Variants in SEMA4D observed in about 807,000 individuals in gnomAD.
SEMA4D encodes the protein semaphorin 4D.
Under a neutral mutation model 74.8 loss-of-function variants are expected in SEMA4D, and 22 were observed. The observed-to-expected ratio is 0.29, with a 90% CI of 0.21 to 0.42. The LOEUF (loss-of-function observed/expected upper bound fraction) is 0.42. SEMA4D is among the 10% of genes least tolerant of loss of function. The pLI, the probability that SEMA4D is intolerant of heterozygous loss-of-function variation, is 1.00. For synonymous variants in SEMA4D, 445 were observed against 463.7 expected (o/e 0.96, Z 0.52); for missense variants, 937 against 1,118.4 (o/e 0.84, Z 2.31).
chr9:89,439,884 C>A (rs1294021416), intron 2 of SEMA4D, among the ~76,000 whole-genome samples: 6 of 152,208 alleles, frequency 3.9e-5, no homozygotes, highest in African/African-American at 1.4e-4. Flanking sequence ...TCAAGCTCAC[C>A]GCATCTTAGT....
At position 89,379,056 on chromosome 9, in the gene SEMA4D, A is replaced by G; in HGVS notation, c.2237T>C (p.Leu746Pro). Reference sequence around the variant, plus strand: ...GTTGTAGAAAAAGAGGCAGAGGAAGAGAACAAAGAAGAAGAGGAAGAGGGA... The same window carrying G: ...GTTGTAGAAAAAGAGGCAGAGGAAGGGAACAAAGAAGAAGAGGAAGAGGGA... The part of the protein sequence containing the change: ...LMSLFLFFFV[L>P]FLCLFFYNCY... Residue 746 changes from leucine (L) to proline (P), a missense_variant, in exon 16 of 16, where the codon CTC becomes CCC. Leu to Pro is a moderately conservative substitution (Grantham distance 98, BLOSUM62 -3). Coordinates refer to ENST00000422704, the MANE Select transcript of SEMA4D (RefSeq NM_001371194.2). 1 of 1,613,098 alleles carries G rather than the reference A, an allele frequency of 6.2e-7. No individual in the cohort carries two copies. Among genetic ancestry groups the G allele is most frequent in the East Asian group, 2.2e-5 (1 of 44,870 alleles).
chr9:89,438,673 C>CT lies in SEMA4D; in HGVS notation c.-244+17214dup, dbSNP rs112699856. On this transcript the variant is annotated intron_variant, in intron 2 of 15. Transcript: ENST00000422704. Reference sequence around the variant, plus strand: ...AAATACAATGTATGTTTTTTCTTTTCTTTTTTTTTTAAGACGGAGTCTCGC... The same window carrying CT: ...AAATACAATGTATGTTTTTTCTTTTCTTTTTTTTTTTAAGACGGAGTCTCGC... 3.0e-3 allele frequency among the ~76,000 whole-genome samples: 441 copies of CT among 149,306 alleles called. 2 individuals are homozygous for CT. Among genetic ancestry groups the CT allele is most frequent in the Middle Eastern group, 0.01 (3 of 290 alleles).
chr9:89,455,941 G>T lies in SEMA4D; in HGVS notation c.-297C>A, dbSNP rs1443491598. 2 of 152,238 alleles carry T rather than the reference G, an allele frequency of 1.3e-5. No individual in the cohort carries two copies. The highest frequency in any genetic ancestry group is 4.8e-5 in the African/African-American group (2 of 41,458). 9.4% of individuals were successfully genotyped at this position (152,238 alleles called of 1,614,324 possible). A position where few individuals can be genotyped will look rare whatever the true frequency, so the allele number is the denominator to read the frequency against. ...GCACATGGTTTCTTTCCACTATCTG[G>T]TGTTAGCAGAGTCTGAAACAGAGTT... On this transcript the variant is annotated 5_prime_UTR_variant, in exon 2 of 16. Coordinates refer to ENST00000422704, the MANE Select transcript of SEMA4D (RefSeq NM_001371194.2).
chr9:89,439,868 C>T (rs897174743), intron 2 of SEMA4D, among the ~76,000 whole-genome samples: 2 of 152,220 alleles, frequency 1.3e-5, no homozygotes, highest in Admixed American at 1.3e-4. Context: ...ACCGGCCGAC[C>T]CACGATCAAG....
chr9:89,495,389 C>G (rs1825929666), intron 1 of SEMA4D, among the ~76,000 whole-genome samples: 1 of 152,182 alleles, frequency 6.6e-6, no homozygotes, highest in Non-Finnish European at 1.5e-5. Context: ...CACACCCTCT[C>G]CACCTGACTG....
chr9:89,431,097 A>G (rs1371374802), intron 2 of SEMA4D, among the ~76,000 whole-genome samples: 2 of 152,258 alleles, frequency 1.3e-5, no homozygotes, highest in Admixed American at 1.3e-4. Flanking sequence ...TGACAAATAC[A>G]GATAAACATT....
chr9:89,463,701 T>C (rs1052630535), intron 1 of SEMA4D, among the ~76,000 whole-genome samples: 2 of 152,178 alleles, frequency 1.3e-5, no homozygotes, highest in Admixed American at 1.3e-4. Context: ...TTTGGGAGGC[T>C]GAGGCGGGCA....
At chr9:89,493,733 A>C (rs1825801238) in intron 1 of SEMA4D, among the ~76,000 whole-genome samples, 1 of 152,256 alleles carries the variant, frequency 6.6e-6, no homozygotes, top group South Asian at 2.1e-4. Flanking sequence ...TCTATGCAGC[A>C]CGCATCACTT....
downstream of SEMA4D, among the ~76,000 whole-genome samples, chr9:89,374,774 C>T (rs529640295): frequency 9.2e-5 from 14 of 152,308 alleles, no homozygotes; most frequent in Admixed American, 7.2e-4. Context: ...TAACAGCAGC[C>T]GGGCATGGTG....
intron 2 of SEMA4D, among the ~76,000 whole-genome samples, chr9:89,441,695 T>C (rs920201388): frequency 6.6e-6 from 1 of 152,220 alleles, no homozygotes; most frequent in African/African-American, 2.4e-5. Context: ...GCTTTGTCCC[T>C]GGGTGTCCTC....
chr9:89,389,538 AG>A (rs1839347277), intron 9 of SEMA4D, among the ~76,000 whole-genome samples: 1 of 152,206 alleles, frequency 6.6e-6, no homozygotes, highest in Admixed American at 6.5e-5. Context: ...CTCCCTTTAA[AG>A]GAATAGATCC....
chr9:89,381,655 G>A lies in SEMA4D; in HGVS notation c.1447-309C>T. On this transcript the variant is annotated intron_variant, in intron 13 of 15. Transcript: ENST00000422704. The surrounding 1 kb of genome is among the most constrained non-coding windows in gnomAD (Gnocchi z 4.6). ...ACGTGTTTCTCTTAGCCAGTGGGGA[G>A]GCTGTTCAGTCCCCACCTCCAGATC... is the stretch of plus-strand genomic sequence containing the variant. 3.9e-6 allele frequency: 1 copy of A among 256,278 alleles called. No individual in the cohort carries two copies. Among genetic ancestry groups the A allele is most frequent in the Non-Finnish European group, 7.5e-6 (1 of 133,756 alleles). The allele number at this position is 256,278 out of a possible 1,614,324, so 15.9% of individuals were successfully genotyped here. A position where few individuals can be genotyped will look rare whatever the true frequency, so the allele number is the denominator to read the frequency against.
At chr9:89,472,477 T>C (rs199510837) in intron 1 of SEMA4D, 1 of 219,220 alleles carries the variant, frequency 4.6e-6, no homozygotes, top group South Asian at 5.9e-5. Flanking sequence ...AGCACCCCCC[T>C]TTTGTAAGAT....
intron 2 of SEMA4D, among the ~76,000 whole-genome samples, chr9:89,430,761 G>A (rs1363632230): frequency 6.6e-6 from 1 of 152,254 alleles, no homozygotes; most frequent in Admixed American, 6.5e-5. Context: ...CAGATCACCT[G>A]AGGTCAGGAG....
At chr9:89,371,813 T>G (rs887780745) in intron 16 of SEMA4D, among the ~76,000 whole-genome samples, 25 of 18,702 alleles carry the variant, frequency 1.3e-3, no homozygotes, top group Admixed American at 2.3e-3. Flanking sequence ...GTGTGGGGGG[T>G]GTGTGTGTCT....
chr9:89,463,191 C>T (rs1325163318), intron 1 of SEMA4D, among the ~76,000 whole-genome samples: 1 of 151,978 alleles, frequency 6.6e-6, no homozygotes, highest in Non-Finnish European at 1.5e-5. Flanking sequence ...ATGGTAGACT[C>T]ATGCCCAGTT....
intron 2 of SEMA4D, chr9:89,405,987 C>T: frequency 5.6e-6 from 6 of 1,069,676 alleles, no homozygotes; most frequent in Non-Finnish European, 6.8e-6. Flanking sequence ...GGCAGACACA[C>T]ATGGCCGGCT....
intron 4 of SEMA4D, among the ~76,000 whole-genome samples, chr9:89,402,329 G>C (rs922932928): frequency 6.6e-6 from 1 of 152,200 alleles, no homozygotes; most frequent in African/African-American, 2.4e-5. Flanking sequence ...AGGGTGACCA[G>C]CTGCAATGGA....
At chr9:89,363,917 T>C in exon 17 of SEMA4D, 1 of 1,613,978 alleles carries the variant, frequency 6.2e-7, no homozygotes, top group South Asian at 1.1e-5. Flanking sequence ...AGCTCGCCCA[T>C]TCTTCTCCCA....
Sources: gnomAD v4.1 joint callset for allele counts (sites outside exome capture counted in the v4.1 genomes callset) on GRCh38, gnomAD v4.1.1 for gene constraint, Gnocchi (gnomAD v3.1) non-coding constraint, MANE v1.5 for transcripts, NCBI Gene and HGNC (gene_info 2026-07-23, HGNC 2026-07-21) for gene names.